PRH1: variants seen among roughly 807,000 people sequenced by gnomAD.
PRH1 encodes the protein proline rich protein HaeIII subfamily 1.
PRH1 carries 7 observed loss-of-function variants against 7.9 expected under a neutral mutation model. The ratio of observed to expected loss-of-function variants is 0.89; its 90% CI spans 0.50 to 1.67. PRH1 has a LOEUF of 1.67. Ranked by LOEUF, PRH1 falls within the 40% of genes most tolerant of loss-of-function variation. The pLI, the probability that PRH1 is intolerant of heterozygous loss-of-function variation, is 0.00. For missense variants in PRH1, 109 were observed against 223.6 expected, an observed-to-expected ratio of 0.49 and a Z score of 3.27; for synonymous variants, 45 against 80.8, an observed-to-expected ratio of 0.56 and a Z score of 2.38.
chr12:11,017,638 C>A (rs1941360927), intron 1 of PRH1, among the ~76,000 whole-genome samples: 1 of 152,012 alleles, frequency 6.6e-6, no homozygotes, highest in Admixed American at 6.6e-5. Flanking sequence ...GCATTGGCCA[C>A]CATGCCTGGC....
chr12:11,024,671 T>G (rs1418255498), intron 1 of PRH1, among the ~76,000 whole-genome samples: 2 of 152,086 alleles, frequency 1.3e-5, no homozygotes, highest in East Asian at 3.9e-4. Flanking sequence ...TTTACTGTAA[T>G]TATTTATCCA....
intron 1 of PRH1, among the ~76,000 whole-genome samples, chr12:11,063,935 T>C (rs564891053): frequency 6.6e-6 from 1 of 152,202 alleles, no homozygotes; most frequent in South Asian, 2.1e-4. Flanking sequence ...ATAATAATAA[T>C]TTCTATGAGA....
intron 1 of PRH1, among the ~76,000 whole-genome samples, chr12:10,990,760 A>G (rs1039006893): frequency 6.6e-5 from 10 of 152,210 alleles, no homozygotes; most frequent in African/African-American, 1.9e-4. Flanking sequence ...GAGTATGGCA[A>G]AAGTGATGAC....
chr12:11,015,033 A>C (rs1941227881), intron 1 of PRH1, among the ~76,000 whole-genome samples: 1 of 152,100 alleles, frequency 6.6e-6, no homozygotes, highest in African/African-American at 2.4e-5. Flanking sequence ...GCAGCTCAGG[A>C]ATAGGGCGAG....
At chr12:10,922,034 T>C (rs1370516201) in intron 2 of PRH1, among the ~76,000 whole-genome samples, 9 of 152,216 alleles carry the variant, frequency 5.9e-5, no homozygotes, top group African/African-American at 2.2e-4. Flanking sequence ...CCTCCCAATG[T>C]TCGGGGATTA....
At chr12:11,025,145 G>A (rs1372481754) in intron 1 of PRH1, among the ~76,000 whole-genome samples, 2 of 151,976 alleles carry the variant, frequency 1.3e-5, no homozygotes, top group Non-Finnish European at 2.9e-5. Context: ...AGCCTCCGGA[G>A]TAGCTGGGAC....
At chr12:10,881,979 T>G (rs1949408123) in intron 3 of PRH1, among the ~76,000 whole-genome samples, 1 of 152,190 alleles carries the variant, frequency 6.6e-6, no homozygotes, top group Non-Finnish European at 1.5e-5. Flanking sequence ...TCAACCCTAC[T>G]TAAGACATGT....
intron 2 of PRH1, among the ~76,000 whole-genome samples, chr12:10,920,148 C>G (rs950257218): frequency 3.9e-5 from 6 of 151,968 alleles, no homozygotes; most frequent in African/African-American, 1.5e-4. Flanking sequence ...CCCATCTCAG[C>G]CTCCCAACAT....
At chr12:11,098,850 T>G (rs1292774021) in intron 1 of PRH1, among the ~76,000 whole-genome samples, 1 of 152,124 alleles carries the variant, frequency 6.6e-6, no homozygotes, top group African/African-American at 2.4e-5. Flanking sequence ...TGCACACCAC[T>G]TATGAATGGA....
At chr12:10,985,838 C>A (rs926866450) in intron 1 of PRH1, 14 of 1,095,940 alleles carry the variant, frequency 1.3e-5, no homozygotes, top group Admixed American at 2.4e-5. Flanking sequence ...CAAAAACATA[C>A]ACTACAGAAA....
At chr12:10,912,335 T>C (rs1208318689) in intron 2 of PRH1, among the ~76,000 whole-genome samples, 2 of 152,190 alleles carry the variant, frequency 1.3e-5, no homozygotes, top group Non-Finnish European at 2.9e-5. Context: ...GGTCTTGTTT[T>C]GGCAGTTACG....
intron 1 of PRH1, among the ~76,000 whole-genome samples, chr12:11,068,890 G>C (rs1189936511): frequency 7.0e-6 from 1 of 143,250 alleles, no homozygotes; most frequent in Non-Finnish European, 1.6e-5. Flanking sequence ...TTTTCCCTTA[G>C]ATTTTTGGTA....
rs554598585 is a variant in PRH1 at position 10,916,449 on chromosome 12, T to C, written c.-58-32174A>G. Reference sequence around the variant, plus strand: ...TTTTTCCTAGTTCTAAAATTACATCTTTTTTAATGAGACTTATATTCTTCC... The same window carrying C: ...TTTTTCCTAGTTCTAAAATTACATCCTTTTTAATGAGACTTATATTCTTCC... On this transcript the variant is annotated intron_variant, in intron 2 of 3. Coordinates refer to the PRH1 transcript ENST00000539853. Among the ~76,000 whole-genome samples, 4 of 152,262 alleles carry C rather than the reference T, an allele frequency of 2.6e-5. No homozygotes were observed. The South Asian group carries it at 6.2e-4, about 24-fold the overall frequency.
intron 2 of PRH1, among the ~76,000 whole-genome samples, chr12:10,959,471 C>A (rs1023518942): frequency 2.6e-5 from 4 of 151,954 alleles, no homozygotes; most frequent in African/African-American, 9.7e-5. Context: ...AGGAAAAAAA[C>A]GTAAATTTAG....
intron 1 of PRH1, chr12:11,077,787 ACT>A (rs1944344574): frequency 2.6e-6 from 3 of 1,164,338 alleles, no homozygotes; most frequent in South Asian, 2.3e-5. Flanking sequence ...TTGTCCACAC[ACT>A]GTCATCCATG....
chr12:10,932,121 G>A (rs1173118378), intron 2 of PRH1: 1 of 331,320 alleles, frequency 3.0e-6, no homozygotes, highest in Non-Finnish European at 6.8e-6. Context: ...AGGGATAGAG[G>A]GCAAAAGGAT....
chr12:11,001,134 A>ATTGATGT (rs1274597703), intron 1 of PRH1, among the ~76,000 whole-genome samples: 1 of 151,982 alleles, frequency 6.6e-6, no homozygotes, highest in East Asian at 1.9e-4. Flanking sequence ...GAACCTGGAA[A>ATTGATGT]TTGATGTGAT....
chr12:11,054,010 T>A (rs1943257823), intron 1 of PRH1, among the ~76,000 whole-genome samples: 1 of 151,934 alleles, frequency 6.6e-6, no homozygotes, highest in Non-Finnish European at 1.5e-5. Flanking sequence ...TAGTAGACAG[T>A]GGGTTTCACT....
intron 1 of PRH1, among the ~76,000 whole-genome samples, chr12:11,109,472 A>G (rs1416426024): frequency 6.6e-6 from 1 of 152,198 alleles, no homozygotes; most frequent in Non-Finnish European, 1.5e-5. Flanking sequence ...CAGAGGAAGG[A>G]ACAGGCAGCA....
Sources: gnomAD v4.1 joint callset for allele counts (sites outside exome capture counted in the v4.1 genomes callset) on GRCh38, gnomAD v4.1.1 for gene constraint, MANE v1.5 for transcripts, NCBI Gene and HGNC (gene_info 2026-07-23, HGNC 2026-07-21) for gene names.